CALN1: variants seen among roughly 807,000 people sequenced by gnomAD.
The protein encoded by CALN1 is calneuron 1, also known as calcium-binding protein 8.
CALN1 carries 17 observed loss-of-function variants against 30.6 expected under a neutral mutation model. That is an observed-to-expected ratio of 0.56 (90% confidence interval 0.38 to 0.83). CALN1 has a LOEUF of 0.83. CALN1 is among the 40% of genes least tolerant of loss of function. The pLI is 0.00. For missense variants in CALN1, 291 were observed against 354.9 expected (o/e 0.82, Z 1.45); for synonymous variants, 156 against 131.4 (o/e 1.19, Z -1.28).
At chr7:72,330,174 T>A (rs1360791186) in intron 2 of CALN1, among the ~76,000 whole-genome samples, 1 of 151,894 alleles carries the variant, frequency 6.6e-6, no homozygotes, top group Non-Finnish European at 1.5e-5. Context: ...GCGCCTGTAA[T>A]CCCAGCTACT....
At chr7:71,893,486 A>G (rs181978927) in intron 5 of CALN1, among the ~76,000 whole-genome samples, 1 of 152,184 alleles carries the variant, frequency 6.6e-6, no homozygotes, top group East Asian at 1.9e-4. Flanking sequence ...GAGCCCAGGA[A>G]TTGAGACCAG....
intron 5 of CALN1, among the ~76,000 whole-genome samples, chr7:71,871,643 C>T (rs959571979): frequency 6.6e-5 from 10 of 152,182 alleles, no homozygotes; most frequent in Admixed American, 1.3e-4. Context: ...CCACTCCCAC[C>T]ACCAGATGGC....
intron 5 of CALN1, among the ~76,000 whole-genome samples, chr7:72,005,083 G>A (rs1799701450): frequency 6.6e-6 from 1 of 152,152 alleles, no homozygotes; most frequent in South Asian, 2.1e-4. Flanking sequence ...AAAAATAGCA[G>A]TTTCTTATAA....
At chr7:72,147,842 G>A (rs147024719) in intron 3 of CALN1, among the ~76,000 whole-genome samples, 3,894 of 149,758 alleles carry the variant, frequency 0.026, 176 homozygotes, top group African/African-American at 0.09. Flanking sequence ...GTAAACTATC[G>A]CAAGGACAAA....
At chr7:71,893,244 C>A (rs1247466940) in intron 5 of CALN1, among the ~76,000 whole-genome samples, 7 of 152,104 alleles carry the variant, frequency 4.6e-5, no homozygotes, top group East Asian at 1.9e-4. Flanking sequence ...ATCCTACTGG[C>A]GTTTAGTGGG....
intron 3 of CALN1, among the ~76,000 whole-genome samples, chr7:72,179,996 C>T (rs769806534): frequency 2.3e-4 from 35 of 152,112 alleles, no homozygotes; most frequent in African/African-American, 3.1e-4. Context: ...TTACATGATC[C>T]GTCCGCATCA....
intron 5 of CALN1, among the ~76,000 whole-genome samples, chr7:71,876,244 C>G (rs1166382206): frequency 6.6e-6 from 1 of 152,080 alleles, no homozygotes; most frequent in Non-Finnish European, 1.5e-5. Flanking sequence ...AGGGCATATG[C>G]CACTCTTGTG....
At chr7:72,420,906 G>A (rs1375667731) in intron 1 of CALN1, among the ~76,000 whole-genome samples, 2 of 151,984 alleles carry the variant, frequency 1.3e-5, no homozygotes, top group African/African-American at 2.4e-5. Flanking sequence ...GAGCCACCAC[G>A]CCTGGCCGGG....
At chr7:71,911,518 C>T (rs1179544466) in intron 5 of CALN1, among the ~76,000 whole-genome samples, 1 of 152,116 alleles carries the variant, frequency 6.6e-6, no homozygotes, top group Non-Finnish European at 1.5e-5. Flanking sequence ...CCTGACATTT[C>T]TAGAACATTG....
At chr7:72,087,572 G>C (rs1386708090) in intron 4 of CALN1, among the ~76,000 whole-genome samples, 2 of 152,144 alleles carry the variant, frequency 1.3e-5, no homozygotes, top group African/African-American at 4.8e-5. Flanking sequence ...GATTAGAAAA[G>C]CGACAAGAGA....
intron 3 of CALN1, among the ~76,000 whole-genome samples, chr7:72,210,750 T>C (rs914281264): frequency 6.6e-6 from 1 of 152,000 alleles, no homozygotes; most frequent in South Asian, 2.1e-4. Context: ...TGACACGTCA[T>C]GATTATGGGG....
intron 3 of CALN1, among the ~76,000 whole-genome samples, chr7:72,274,884 C>A (rs1192352054): frequency 6.6e-6 from 1 of 152,136 alleles, no homozygotes; most frequent in East Asian, 1.9e-4. Flanking sequence ...AGCAGCTTTG[C>A]ATGTTTCCCT....
chr7:72,155,619 A>G (rs1173887642), intron 3 of CALN1, among the ~76,000 whole-genome samples: 2 of 152,166 alleles, frequency 1.3e-5, no homozygotes, highest in East Asian at 3.9e-4. Flanking sequence ...TCCAAAAGTG[A>G]GTGATCCTAT....
chr7:72,466,698 G>A, the CALN1 span, among the ~76,000 whole-genome samples: 698 of 151,504 alleles, frequency 4.6e-3, 5 homozygotes, highest in African/African-American at 0.015. Flanking sequence ...AGCCAAGATC[G>A]CGCCACTGCA....
chr7:72,089,845 C>A (rs1805733856), intron 4 of CALN1, among the ~76,000 whole-genome samples: 2 of 152,046 alleles, frequency 1.3e-5, no homozygotes, highest in Admixed American at 1.3e-4. Flanking sequence ...TTGGACAAAA[C>A]AACCAAAAAT....
the CALN1 span, among the ~76,000 whole-genome samples, chr7:72,482,337 G>A: frequency 2.6e-5 from 4 of 152,078 alleles, no homozygotes; most frequent in African/African-American, 9.7e-5. Flanking sequence ...TTTTATTAGA[G>A]TGTTTAGACC....
At chr7:72,359,102 G>A (rs1332838731) in intron 2 of CALN1, among the ~76,000 whole-genome samples, 3 of 152,062 alleles carry the variant, frequency 2.0e-5, no homozygotes, top group East Asian at 1.9e-4. Context: ...GCTGTGCTTC[G>A]TAGGATACTA....
intron 3 of CALN1, among the ~76,000 whole-genome samples, chr7:72,208,263 G>C (rs149026153): frequency 1.3e-5 from 2 of 152,258 alleles, no homozygotes; most frequent in Non-Finnish European, 2.9e-5. Context: ...CGTTGAATAG[G>C]ACTTACAAGA....
chr7:72,317,084 G>GAGAGAGAGAA (rs201834973), intron 2 of CALN1, among the ~76,000 whole-genome samples: 26 of 109,722 alleles, frequency 2.4e-4, no homozygotes, highest in Non-Finnish European at 2.0e-4. Flanking sequence ...CACAGAAAGA[G>GAGAGAGAGAA]AGAGAGAGAG....
Sources: gnomAD v4.1 joint callset for allele counts (sites outside exome capture counted in the v4.1 genomes callset) on GRCh38, gnomAD v4.1.1 for gene constraint, MANE v1.5 for transcripts, NCBI Gene and HGNC (gene_info 2026-07-23, HGNC 2026-07-21) for gene names.